Variants in SGIP1 observed in about 807,000 individuals in gnomAD.
SGIP1 encodes the protein SH3GL interacting endocytic adaptor 1.
In SGIP1, 38 loss-of-function variants were observed where a neutral mutation model predicts 107.5. That is an observed-to-expected ratio of 0.35 (90% CI 0.27 to 0.46). The LOEUF (loss-of-function observed/expected upper bound fraction) is 0.46. Among genes scored for constraint, SGIP1 ranks in the 20% least tolerant of loss-of-function variants. The pLI is 1.00. For synonymous variants in SGIP1, 365 were observed against 366.1 expected, an observed-to-expected ratio of 1.00 and a Z score of 0.03; for missense variants, 929 against 1,019.5, an observed-to-expected ratio of 0.91 and a Z score of 1.21.
In SGIP1 at chr1:66,542,676, G is replaced by T. The variant is rs147056026; in HGVS notation, c.10+8308G>T. On this transcript the variant is annotated intron_variant, in intron 1 of 24. Coordinates refer to ENST00000371037, the MANE Select transcript of SGIP1 (RefSeq NM_032291.4). ...GTGTGCAATTTAAAACTTATGAATT[G>T]GTTATTTCTATAATTTTTCATTTAA... is the stretch of plus-strand genomic sequence containing the variant. 2.0e-4 allele frequency among the ~76,000 whole-genome samples: 31 copies of T among 152,222 alleles called. No individual in the cohort carries two copies. The East Asian group carries it at 5.0e-3, about 25-fold the overall frequency.
intron 19 of SGIP1, among the ~76,000 whole-genome samples, chr1:66,720,100 G>A (rs1344352240): frequency 6.6e-6 from 1 of 152,128 alleles, no homozygotes; most frequent in Non-Finnish European, 1.5e-5. Flanking sequence ...CTCTTGCTAA[G>A]GAATTCCATG....
At chr1:66,683,715 T>C (rs2087430827) in intron 15 of SGIP1, among the ~76,000 whole-genome samples, 1 of 132,038 alleles carries the variant, frequency 7.6e-6, no homozygotes, top group Admixed American at 7.7e-5. Flanking sequence ...TTTTTTTTTT[T>C]TTTTTTTTTT....
intron 1 of SGIP1, among the ~76,000 whole-genome samples, chr1:66,607,799 G>A (rs2067146336): frequency 6.6e-6 from 1 of 152,142 alleles, no homozygotes; most frequent in Non-Finnish European, 1.5e-5. Context: ...TGCCATCACT[G>A]ACAGTTCTTT....
chr1:66,746,608 C>G lies in SGIP1; in HGVS notation c.*3513C>G, dbSNP rs2094556111. ...TAGAGATATTAGCTCATTTAATTCT[C>G]TTATCAATCAAAAAATTGTAAGTAC... is the stretch of plus-strand genomic sequence containing the variant. On this transcript the variant is annotated 3_prime_UTR_variant, in exon 25 of 25. Transcript: ENST00000371037. 1 of 152,048 alleles carries G rather than the reference C, an allele frequency of 6.6e-6. No individual in the cohort carries two copies. Among genetic ancestry groups the G allele is most frequent in the Non-Finnish European group, 1.5e-5 (1 of 67,950 alleles). The allele number at this position is 152,048 out of a possible 1,614,324, so 9.4% of individuals were successfully genotyped here.
intron 1 of SGIP1, among the ~76,000 whole-genome samples, chr1:66,578,340 G>C (rs2061359754): frequency 6.6e-6 from 1 of 152,152 alleles, no homozygotes; most frequent in Non-Finnish European, 1.5e-5. Context: ...GGGGTGAAAA[G>C]ATCAGGTCCT....
chr1:66,632,924 G>C, intron 2 of SGIP1, 146 bp from the exon 3 acceptor site: 1 of 702,300 alleles, frequency 1.4e-6, no homozygotes, highest in South Asian at 1.6e-5. Flanking sequence ...AATTTGTTTT[G>C]ATTTAGTTTT....
intron 1 of SGIP1, among the ~76,000 whole-genome samples, chr1:66,613,529 C>T (rs996588433): frequency 2.6e-5 from 4 of 152,218 alleles, no homozygotes; most frequent in Admixed American, 1.3e-4. Flanking sequence ...GGGGTTTTGC[C>T]ATGTTGGCCA....
chr1:66,559,429 C>T (rs1212656464), intron 1 of SGIP1, among the ~76,000 whole-genome samples: 4 of 152,066 alleles, frequency 2.6e-5, no homozygotes, highest in African/African-American at 9.7e-5. Context: ...TAAGCACATG[C>T]ATGAATGCTA....
rs149761604 is a variant in SGIP1, at chr1:66,556,491, G to A, written c.10+22123G>A. Among the ~76,000 whole-genome samples, 4 of 152,232 alleles carry A rather than the reference G, an allele frequency of 2.6e-5. No individual in the cohort carries two copies. The East Asian group carries it at 7.7e-4, about 29-fold the overall frequency. Reference sequence around the variant, plus strand: ...ACTGATTGAGTTGGCTCAACTTGACGTAGGTTCAAATTCACAAAAGCGTGT... The same window carrying A: ...ACTGATTGAGTTGGCTCAACTTGACATAGGTTCAAATTCACAAAAGCGTGT... On this transcript the variant is annotated intron_variant, in intron 1 of 24. Transcript: ENST00000371037.
At chr1:66,566,652 G>A (rs2059681949) in intron 1 of SGIP1, among the ~76,000 whole-genome samples, 1 of 151,838 alleles carries the variant, frequency 6.6e-6, no homozygotes, top group Non-Finnish European at 1.5e-5. Flanking sequence ...ATAAAACATA[G>A]AATGTTTTAT....
At chr1:66,711,240 C>T (rs2150346574) in intron 18 of SGIP1, among the ~76,000 whole-genome samples, 1 of 152,208 alleles carries the variant, frequency 6.6e-6, no homozygotes, top group South Asian at 2.1e-4. Context: ...CTGTTATTGA[C>T]TATCCTCAAA....
At chr1:66,673,441 A>G (rs2084359988) in intron 12 of SGIP1, 75 bp downstream of exon 12, 1 of 1,293,014 alleles carries the variant, frequency 7.7e-7, no homozygotes, top group African/African-American at 1.5e-5. Flanking sequence ...GATTAAATGT[A>G]TGTATTTTGA....
intron 8 of SGIP1, 105 bp from the exon 9 acceptor site, chr1:66,667,423 GTA>G: frequency 1.0e-6 from 1 of 998,654 alleles, no homozygotes; most frequent in Admixed American, 1.7e-5. Flanking sequence ...TCTCTGGAGT[GTA>G]TGTTTGGTTA....
chr1:66,734,510 T>G lies in SGIP1; in HGVS notation c.2031+630T>G, dbSNP rs1293300187. On this transcript the variant is annotated intron_variant, in intron 21 of 24. Coordinates refer to ENST00000371037, the MANE Select transcript of SGIP1 (RefSeq NM_032291.4). ...TGACTGCCTAGATTTTTTTGGTTTTTTTTTTTTTTTTTGAGACAGAGTCTC... is the reference window on the plus strand; with the variant it reads ...TGACTGCCTAGATTTTTTTGGTTTTGTTTTTTTTTTTTGAGACAGAGTCTC... Among the ~76,000 whole-genome samples, 5 of 150,994 alleles carry G rather than the reference T, an allele frequency of 3.3e-5. No homozygotes were observed. In the East Asian group the frequency reaches 5.8e-4, roughly 17 times the overall value.
chr1:66,602,416 C>T (rs1460338507), intron 1 of SGIP1, among the ~76,000 whole-genome samples: 2 of 152,116 alleles, frequency 1.3e-5, no homozygotes, highest in African/African-American at 4.8e-5. Flanking sequence ...GCATGATCCA[C>T]ATGTGACCAT....
intron 1 of SGIP1, among the ~76,000 whole-genome samples, chr1:66,559,600 C>T (rs1319925318): frequency 1.3e-5 from 2 of 152,030 alleles, no homozygotes; most frequent in African/African-American, 4.8e-5. Flanking sequence ...CTTCAAAGAC[C>T]TGGGCTTTCG....
intron 1 of SGIP1, among the ~76,000 whole-genome samples, chr1:66,624,458 T>C (rs2072092755): frequency 2.0e-5 from 3 of 152,224 alleles, no homozygotes; most frequent in Admixed American, 2.0e-4. Context: ...ATGGGAGGAC[T>C]TTTTTAAAAA....
chr1:66,537,608 T>C (rs2053935374), intron 1 of SGIP1, among the ~76,000 whole-genome samples: 1 of 152,138 alleles, frequency 6.6e-6, no homozygotes, highest in Non-Finnish European at 1.5e-5. Flanking sequence ...GGTGCTATAC[T>C]AGAAAGATAA....
chr1:66,567,292 G>T (rs1283452092), intron 1 of SGIP1, among the ~76,000 whole-genome samples: 1 of 152,028 alleles, frequency 6.6e-6, no homozygotes, highest in African/African-American at 2.4e-5. Flanking sequence ...TTTGTTGGCT[G>T]CATAAATGTC....
Sources: allele counts gnomAD v4.1 joint callset (sites outside exome capture counted in the v4.1 genomes callset), GRCh38; gene constraint gnomAD v4.1.1; transcripts MANE v1.5; gene names NCBI Gene and HGNC (gene_info 2026-07-23, HGNC 2026-07-21).